ANAPC10: variants seen among roughly 807,000 people sequenced by gnomAD.
The protein encoded by ANAPC10 is anaphase-promoting complex subunit 10.
A neutral mutation model predicts 22.0 loss-of-function variants in ANAPC10; 12 were observed. The observed-to-expected ratio is 0.55, with a 90% CI of 0.35 to 0.88. The LOEUF (loss-of-function observed/expected upper bound fraction) is 0.88, where lower values mean the gene tolerates loss of function less well. Among genes scored for constraint, ANAPC10 ranks in the 40% least tolerant of loss-of-function variants. The pLI, the probability that ANAPC10 is intolerant of heterozygous loss-of-function variation, is 0.01. For synonymous variants in ANAPC10, 65 were observed against 69.5 expected (o/e 0.94, Z 0.32); for missense variants, 188 against 220.9 (o/e 0.85, Z 0.94).
chr4:144,995,283 G>A lies in ANAPC10; in HGVS notation c.*90C>T, dbSNP rs145607782. 1,327 of 715,210 alleles carry A rather than the reference G, an allele frequency of 1.9e-3. 15 individuals carry two copies. In the African/African-American group the frequency reaches 0.019, roughly 10 times the overall value. 44.3% of individuals were successfully genotyped at this position (715,210 alleles called of 1,614,324 possible). A position where few individuals can be genotyped will look rare whatever the true frequency, so the allele number is the denominator to read the frequency against. ...AAACATATACAAAATTAGATATAACGGATGCCTTGTTCAATAAAGGTACAT... is the reference window on the plus strand; with the variant it reads ...AAACATATACAAAATTAGATATAACAGATGCCTTGTTCAATAAAGGTACAT... On this transcript the variant is annotated 3_prime_UTR_variant, in exon 5 of 5. Coordinates refer to ENST00000507656, the MANE Select transcript of ANAPC10 (RefSeq NM_001256706.2).
chr4:145,054,640 TGCGCGCGCGCGCGCGTGCGTGCA>T (rs1366303953), intron 4 of ANAPC10, among the ~76,000 whole-genome samples: 1 of 90,278 alleles, frequency 1.1e-5, no homozygotes, highest in African/African-American at 4.0e-5. Context: ...TGTGTGTGTG[TGCGCGCGCGCGCGCGTGCGTGCA>T]GCGCATGTGT....
chr4:145,076,791 C>T (rs1745263048), intron 3 of ANAPC10, among the ~76,000 whole-genome samples: 1 of 152,206 alleles, frequency 6.6e-6, no homozygotes, highest in South Asian at 2.1e-4. Flanking sequence ...CTGAAAAACT[C>T]ACTACAAGGA....
At chr4:145,074,893 C>T (rs1387394011) in intron 3 of ANAPC10, among the ~76,000 whole-genome samples, 1 of 152,160 alleles carries the variant, frequency 6.6e-6, no homozygotes, top group East Asian at 1.9e-4. Flanking sequence ...ATGACACATA[C>T]AAAACATCTA....
At chr4:145,016,324 TAACA>T (rs1183510531) in intron 4 of ANAPC10, among the ~76,000 whole-genome samples, 17 of 152,078 alleles carry the variant, frequency 1.1e-4, no homozygotes, top group South Asian at 2.1e-4. Flanking sequence ...TATACACCAA[TAACA>T]AACAAACAGA....
At chr4:145,041,289 A>G (rs539344634) in intron 4 of ANAPC10, among the ~76,000 whole-genome samples, 1 of 152,364 alleles carries the variant, frequency 6.6e-6, no homozygotes. Flanking sequence ...ATGAATTTTT[A>G]AAATACTGAA....
Position 144,996,489 on chromosome 4 carries a change from G to A in ANAPC10, c.328-886C>T, listed in dbSNP as rs187637474. 2.1e-4 allele frequency among the ~76,000 whole-genome samples: 32 copies of A among 152,278 alleles called. No individual in the cohort carries two copies. In the East Asian group the frequency reaches 6.2e-3, roughly 29 times the overall value. The stretch of plus-strand genomic sequence containing the variant: ...CCCCTGGGAAGGTCCCAACTGACCA[G>A]CTGCAGGCTGTTGTTGAGACAGAAA... On this transcript the variant is annotated intron_variant, in intron 4 of 4. Transcript: ENST00000507656.
In ANAPC10 at chr4:145,064,708, TA is replaced by T; in HGVS notation, c.207-17del. 1 of 1,486,920 alleles carries T rather than the reference TA, an allele frequency of 6.7e-7. No individual in the cohort carries two copies. Among genetic ancestry groups the T allele is most frequent in the Non-Finnish European group, 9.0e-7 (1 of 1,110,970 alleles). 92.1% of individuals were successfully genotyped at this position (1,486,920 alleles called of 1,614,324 possible). On this transcript the variant is annotated splice_polypyrimidine_tract_variant and intron_variant, in intron 3 of 4. Coordinates refer to ENST00000507656, the MANE Select transcript of ANAPC10 (RefSeq NM_001256706.2). ...TGTTTTTCTTCTAAAAGCAATAAAG[TA>T]AAAATAACATGCACTTCATCATATG...
At chr4:145,051,724 A>G (rs1741132316) in intron 4 of ANAPC10, among the ~76,000 whole-genome samples, 1 of 152,224 alleles carries the variant, frequency 6.6e-6, no homozygotes, top group Admixed American at 6.5e-5. Flanking sequence ...TTATTATTGC[A>G]TACAGTTATT....
intron 4 of ANAPC10, among the ~76,000 whole-genome samples, chr4:145,054,719 TGTGC>T (rs1741784480): frequency 6.6e-6 from 1 of 151,802 alleles, no homozygotes; most frequent in African/African-American, 2.4e-5. Context: ...CATGTGTGTG[TGTGC>T]ATGTGTCCAT....
At chr4:145,074,732 G>A (rs1744953970) in intron 3 of ANAPC10, among the ~76,000 whole-genome samples, 1 of 152,054 alleles carries the variant, frequency 6.6e-6, no homozygotes, top group Admixed American at 6.6e-5. Flanking sequence ...TAAATAACCA[G>A]GTTCAAAATT....
chr4:145,037,051 T>TGTGC, intron 4 of ANAPC10, among the ~76,000 whole-genome samples: 1 of 145,042 alleles, frequency 6.9e-6, no homozygotes, highest in African/African-American at 2.5e-5. Flanking sequence ...TGTGTGTGCA[T>TGTGC]GCATGAATGT....
Position 144,995,164 on chromosome 4 carries a change from G to C in ANAPC10, c.*209C>G, listed in dbSNP as rs1421756255. ...ATGATTGGCTTCAAATCCATTTTTA[G>C]TAATGTAAAATATGTGAGCTTTATT... On this transcript the variant is annotated 3_prime_UTR_variant, in exon 5 of 5. Transcript: ENST00000507656. 3.0e-6 allele frequency: 1 copy of C among 336,342 alleles called. No individual in the cohort carries two copies. The highest frequency in any genetic ancestry group is 4.4e-5 in the Admixed American group (1 of 22,650). 20.8% of individuals were successfully genotyped at this position (336,342 alleles called of 1,614,324 possible). A position where few individuals can be genotyped will look rare whatever the true frequency, so the allele number is the denominator to read the frequency against.
chr4:145,040,118 AGTGTGTGTGTAT>A (rs1272559899), intron 4 of ANAPC10, among the ~76,000 whole-genome samples: 1 of 102,188 alleles, frequency 9.8e-6, no homozygotes, highest in Non-Finnish European at 1.9e-5. Flanking sequence ...CTTTTGTTTT[AGTGTGTGTGTAT>A]GTGTGTGTGT....
chr4:145,045,967 A>G (rs1381337327), intron 4 of ANAPC10, among the ~76,000 whole-genome samples: 1 of 152,114 alleles, frequency 6.6e-6, no homozygotes, highest in Non-Finnish European at 1.5e-5. Context: ...TATTATGATT[A>G]TCTATGCTTT....
In ANAPC10 at chr4:145,074,524, G is replaced by T. The variant is rs563540432; in HGVS notation, c.206+7136C>A. Among the ~76,000 whole-genome samples, 3 of 152,214 alleles carry T rather than the reference G, an allele frequency of 2.0e-5. No homozygotes were observed. In the South Asian group the frequency reaches 6.2e-4, roughly 32 times the overall value. ...AGCCCTATGTGATACTTAATTGCTA[G>T]TGTGTCTATTCTTGAATTTGGAAAT... is the stretch of plus-strand genomic sequence containing the variant. On this transcript the variant is annotated intron_variant, in intron 3 of 4. Transcript: ENST00000507656.
intron 3 of ANAPC10, among the ~76,000 whole-genome samples, chr4:145,065,525 C>A (rs1743549986): frequency 6.6e-6 from 1 of 151,904 alleles, no homozygotes; most frequent in Non-Finnish European, 1.5e-5. Context: ...AATACAGTAA[C>A]ACAATCACTC....
chr4:145,004,917 C>T (rs1733119548), intron 4 of ANAPC10, among the ~76,000 whole-genome samples: 1 of 152,080 alleles, frequency 6.6e-6, no homozygotes, highest in Admixed American at 6.6e-5. Flanking sequence ...GATTAGTAAC[C>T]AGCTCTTCCT....
chr4:145,054,604 A>AGC (rs1741668324), intron 4 of ANAPC10, among the ~76,000 whole-genome samples: 1 of 128,290 alleles, frequency 7.8e-6, no homozygotes, highest in Non-Finnish European at 1.6e-5. Flanking sequence ...CATACTGAAT[A>AGC]GTGTGTGTGT....
chr4:145,096,020 G>C lies in ANAPC10; in HGVS notation c.80C>G (p.Ser27Ter). ...ERTGTVREIG[S>*]QAVWSLSSCK... ...AGATGAGAGTGACCAAACAGCTTGTGACCCAATTTCCCGTACTGTTCCAGT... is the reference window on the plus strand; with the variant it reads ...AGATGAGAGTGACCAAACAGCTTGTCACCCAATTTCCCGTACTGTTCCAGT... The change falls in exon 2 of 5, where the codon TCA (serine) becomes TGA (stop). Residue 27 changes from serine to a stop codon, truncating the protein, a stop_gained. Transcript: ENST00000507656. LOFTEE classifies it high-confidence loss of function. The C allele has an allele frequency of 6.2e-7, 1 of 1,614,062 alleles. No individual in the cohort carries two copies. The highest frequency in any genetic ancestry group is 8.5e-7 in the Non-Finnish European group (1 of 1,179,964).
Sources: gnomAD v4.1 joint callset for allele counts (sites outside exome capture counted in the v4.1 genomes callset) on GRCh38, gnomAD v4.1.1 for gene constraint, MANE v1.5 for transcripts, NCBI Gene and HGNC (gene_info 2026-07-23, HGNC 2026-07-21) for gene names.